YWHAZ: variants seen among roughly 807,000 people sequenced by gnomAD.
YWHAZ encodes the protein tyrosine 3-monooxygenase/tryptophan 5-monooxygenase activation protein zeta, also known as 14-3-3 protein zeta/delta.
For missense variants in YWHAZ, 79 were observed against 284.8 expected (o/e 0.28, Z 5.20); for synonymous variants, 87 against 103.6 (o/e 0.84, Z 0.97).
rs35069019 is a variant in YWHAZ at position 100,934,157 on chromosome 8, CAAAAAAAAAAAAA to C, written c.295-9131_295-9119del. Among the ~76,000 whole-genome samples, 10 of 78,204 alleles carry C rather than the reference CAAAAAAAAAAAAA, an allele frequency of 1.3e-4. No individual in the cohort carries two copies. The East Asian group carries it at 1.7e-3, about 13-fold the overall frequency. The allele number at this position is 78,204 out of a possible 152,430, so 51.3% of individuals were successfully genotyped here. On this transcript the variant is annotated intron_variant, in intron 2 of 5. Transcript: ENST00000395958. ...CTGGGCAACAAAGCTAGACTCGTCT[CAAAAAAAAAAAAA>C]AAAAAAAAAAAAAAAATTAGCCTAG...
At chr8:100,936,768 G>C (rs1046552255) in intron 2 of YWHAZ, among the ~76,000 whole-genome samples, 1 of 152,120 alleles carries the variant, frequency 6.6e-6, no homozygotes, top group Admixed American at 6.5e-5. Context: ...GCTCGCCACT[G>C]AAGTCCAGCC....
intron 2 of YWHAZ, among the ~76,000 whole-genome samples, chr8:100,946,130 A>G (rs1235270789): frequency 6.6e-6 from 1 of 152,208 alleles, no homozygotes; most frequent in Non-Finnish European, 1.5e-5. Flanking sequence ...CTTCCTTAAT[A>G]ATCATAACAA....
intron 1 of YWHAZ, chr8:100,951,407 GGAGGGAAAGGAGGGGGCGGCC>G (rs972207526): frequency 2.1e-6 from 2 of 963,802 alleles, no homozygotes; most frequent in Admixed American, 6.2e-5. Flanking sequence ...TGCGCGAGGG[GGAGGGAAAGGAGGGGGCGGCC>G]GAGGGAGAGG....
intron 2 of YWHAZ, among the ~76,000 whole-genome samples, chr8:100,928,542 G>A (rs1164243282): frequency 1.3e-5 from 2 of 151,954 alleles, no homozygotes; most frequent in African/African-American, 4.8e-5. Flanking sequence ...GACCAGCCTG[G>A]CCAACACGGT....
intron 2 of YWHAZ, among the ~76,000 whole-genome samples, chr8:100,933,914 T>C (rs906175464): frequency 6.6e-6 from 1 of 151,854 alleles, no homozygotes; most frequent in African/African-American, 2.4e-5. Context: ...CCCAGCACTT[T>C]GGGAGGCCGA....
In YWHAZ at chr8:100,923,758, G is replaced by A. The variant is rs73697335; in HGVS notation, c.678+197C>T. 191 of 449,508 alleles carry A rather than the reference G, an allele frequency of 4.2e-4. 1 individual carries two copies. Among genetic ancestry groups the A allele is most frequent in the African/African-American group, 3.7e-3 (182 of 49,478 alleles). The allele number at this position is 449,508 out of a possible 1,614,324, so 27.8% of individuals were successfully genotyped here. On this transcript the variant is annotated intron_variant, in intron 5 of 5. Transcript: ENST00000395958. ...AACTCATCAATGTGTGTATTTTTTA[G>A]TTCTCAGTCTAATATTTCAGTTTCT...
Position 100,924,345 on chromosome 8 carries a change from T to A in YWHAZ, c.419-47A>T, listed in dbSNP as rs757551051. Reference sequence around the variant, plus strand: ...GTACTGAGATAAAGTGTGCATTATATCTTCACCCCTCAAACCAAACCTTTA... The same window carrying A: ...GTACTGAGATAAAGTGTGCATTATAACTTCACCCCTCAAACCAAACCTTTA... On this transcript the variant is annotated intron_variant, in intron 3 of 5. Transcript: ENST00000395958. This position sits in a 1 kb window ranked among gnomAD's most constrained non-coding sequence, Gnocchi z 5.7. 16 of 1,567,656 alleles carry A rather than the reference T, an allele frequency of 1.0e-5. No individual in the cohort carries two copies. The highest frequency in any genetic ancestry group is 1.4e-5 in the Non-Finnish European group (16 of 1,160,276).
Position 100,920,607 on chromosome 8 carries a change from C to G in YWHAZ, c.*86G>C. ...ACATAAACCTGTCATAAATCGTAAA[C>G]AAAAAACTATTTGTGGGACAGCATG... On this transcript the variant is annotated 3_prime_UTR_variant, in exon 6 of 6. Transcript: ENST00000395958. The G allele has an allele frequency of 7.9e-7, 1 of 1,260,156 alleles. No individual in the cohort carries two copies. 78.1% of individuals were successfully genotyped at this position (1,260,156 alleles called of 1,614,324 possible). A position where few individuals can be genotyped will look rare whatever the true frequency, so the allele number is the denominator to read the frequency against.
intron 1 of YWHAZ, chr8:100,950,698 G>C: frequency 1.4e-6 from 1 of 701,138 alleles, no homozygotes; most frequent in Non-Finnish European, 1.7e-6. Flanking sequence ...GCCCGACCCC[G>C]GGGCAGAGAC....
intron 2 of YWHAZ, among the ~76,000 whole-genome samples, chr8:100,939,987 C>T (rs1050477468): frequency 6.6e-6 from 1 of 150,944 alleles, no homozygotes; most frequent in African/African-American, 2.4e-5. Context: ...CGCGCCACTG[C>T]ACTCCAGCCT....
chr8:100,947,048 TC>T, intron 2 of YWHAZ, among the ~76,000 whole-genome samples: 1 of 151,016 alleles, frequency 6.6e-6, no homozygotes, highest in East Asian at 1.9e-4. Context: ...GGTCAGGAGA[TC>T]GAGACCATCC....
At chr8:100,926,737 CAA>C (rs1321278787) in intron 2 of YWHAZ, among the ~76,000 whole-genome samples, 1 of 152,212 alleles carries the variant, frequency 6.6e-6, no homozygotes, top group Admixed American at 6.5e-5. Context: ...CTCTTAGCTG[CAA>C]AAGTGTTTTG....
At chr8:100,951,678 G>A in intron 1 of YWHAZ, 2 of 985,322 alleles carry the variant, frequency 2.0e-6, no homozygotes, top group Non-Finnish European at 2.4e-6. Flanking sequence ...GGGGCAGGAC[G>A]GGGGAGCGAG....
chr8:100,937,109 T>C (rs924081304), intron 2 of YWHAZ, among the ~76,000 whole-genome samples: 3 of 152,220 alleles, frequency 2.0e-5, no homozygotes, highest in Admixed American at 2.0e-4. Context: ...TTAATAATTA[T>C]ACTGTAGTTA....
chr8:100,939,723 T>G (rs1814483799), intron 2 of YWHAZ, among the ~76,000 whole-genome samples: 1 of 151,160 alleles, frequency 6.6e-6, no homozygotes, highest in African/African-American at 2.4e-5. Flanking sequence ...TTCCTAAAGA[T>G]TAAAAGTGAA....
intron 2 of YWHAZ, among the ~76,000 whole-genome samples, chr8:100,935,292 A>G (rs994057558): frequency 4.6e-5 from 7 of 152,270 alleles, no homozygotes; most frequent in South Asian, 2.1e-4. Flanking sequence ...TAATATACGC[A>G]TAACTGTAAT....
Position 100,951,900 on chromosome 8 carries a change from C to G in YWHAZ, c.-12+29G>C, listed in dbSNP as rs569098646. ...CGGAAGGCTGGCCTGGGACAGGAAGCGAGGCGCGGCGGCGGCCGGGTTCCT... is the reference window on the plus strand; with the variant it reads ...CGGAAGGCTGGCCTGGGACAGGAAGGGAGGCGCGGCGGCGGCCGGGTTCCT... On this transcript the variant is annotated intron_variant, in intron 1 of 5. Coordinates refer to ENST00000395958, the MANE Select transcript of YWHAZ (RefSeq NM_145690.3). The G allele has an allele frequency of 2.2e-5, 22 of 993,140 alleles. No homozygotes were observed. In the African/African-American group the frequency reaches 3.3e-4, roughly 15 times the overall value. The allele number at this position is 993,140 out of a possible 1,614,324, so 61.5% of individuals were successfully genotyped here.
rs959617920 is a variant in YWHAZ at position 100,948,108 on chromosome 8, T to G, written c.294+488A>C. On this transcript the variant is annotated intron_variant, in intron 2 of 5. Transcript: ENST00000395958. This position sits in a 1 kb window ranked among gnomAD's most constrained non-coding sequence, Gnocchi z 4.2. ...GAATTCAATGCAGGAAGAGGTTTCATAGTTGTGACGCCAGAGTTTTCTGCA... is the reference window on the plus strand; with the variant it reads ...GAATTCAATGCAGGAAGAGGTTTCAGAGTTGTGACGCCAGAGTTTTCTGCA... 6.5e-7 allele frequency: 1 copy of G among 1,535,080 alleles called. No homozygotes were observed. Among genetic ancestry groups the G allele is most frequent in the Non-Finnish European group, 8.7e-7 (1 of 1,146,730 alleles).
intron 2 of YWHAZ, among the ~76,000 whole-genome samples, chr8:100,928,765 C>T (rs547617164): frequency 2.6e-5 from 4 of 151,918 alleles, no homozygotes; most frequent in East Asian, 3.9e-4. Flanking sequence ...AACATATTCT[C>T]AGCCTCAATG....
Sources: gnomAD v4.1 joint callset for allele counts (sites outside exome capture counted in the v4.1 genomes callset) on GRCh38, gnomAD v4.1.1 for gene constraint, Gnocchi (gnomAD v3.1) non-coding constraint, MANE v1.5 for transcripts, NCBI Gene and HGNC (gene_info 2026-07-23, HGNC 2026-07-21) for gene names.